The following DNAH1 variants were observed in gnomAD, a reference collection of about 807,000 sequenced individuals.
DNAH1 encodes the protein dynein axonemal heavy chain 1, also known as axonemal beta dynein heavy chain 1.
A neutral mutation model predicts 484.3 loss-of-function variants in DNAH1; 327 were observed. That is an observed-to-expected ratio of 0.68 (90% CI 0.62 to 0.74). DNAH1 has a LOEUF of 0.74. DNAH1 is among the 30% of genes least tolerant of loss of function. DNAH1 has a pLI of 0.00. For synonymous variants in DNAH1, 2,192 were observed against 2,191.9 expected (o/e 1.00, Z 0.00); for missense variants, 5,052 against 5,546.8 (o/e 0.91, Z 2.83).
chr3:52,391,082 C>A (rs765953497), intron 61 of DNAH1, 28 bp downstream of exon 61: 14 of 1,584,748 alleles, frequency 8.8e-6, no homozygotes, highest in South Asian at 1.1e-5. Flanking sequence ...GCACCACCAC[C>A]CCACCCCAGC....
intron 52 of DNAH1, among the ~76,000 whole-genome samples, chr3:52,384,363 C>T (rs1350905871): frequency 2.0e-5 from 3 of 150,976 alleles, no homozygotes; most frequent in African/African-American, 4.9e-5. Flanking sequence ...CAGCCTGAGA[C>T]GGTGACAGTC....
chr3:52,365,595 C>G (rs1290542129), intron 34 of DNAH1, among the ~76,000 whole-genome samples: 1 of 152,182 alleles, frequency 6.6e-6, no homozygotes, highest in East Asian at 1.9e-4. Context: ...ACCCTCGCCC[C>G]TCATAGTAGG....
Position 52,371,997 on chromosome 3 carries a change from G to A in DNAH1, c.6577G>A (p.Asp2193Asn). 1 of 1,613,866 alleles carries A rather than the reference G, an allele frequency of 6.2e-7. No homozygotes were observed. Among genetic ancestry groups the A allele is most frequent in the Non-Finnish European group, 8.5e-7 (1 of 1,179,880 alleles). ...DSSAPFTMVP[D>N]TNYCNIIVPT... ...CTCAGCTCCATTCACCATGGTACCA[G>A]ACACCAACTACTGCAACATCATTGT... Residue 2193 changes from aspartate (D) to asparagine (N), a missense_variant, in exon 42 of 78, where the codon GAC (aspartate) becomes AAC (asparagine). Transcript: ENST00000420323.
At chr3:52,390,852 C>T in intron 60 of DNAH1, 83 bp from the exon 61 acceptor site, 2 of 1,536,306 alleles carry the variant, frequency 1.3e-6, no homozygotes, top group South Asian at 2.4e-5. Context: ...ATAGCCGAAA[C>T]ACGAGGCCGG....
chr3:52,399,692 G>A lies in DNAH1; in HGVS notation c.12589G>A (p.Val4197Ile), dbSNP rs771064609. The A allele has an allele frequency of 1.8e-5, 29 of 1,613,908 alleles. No homozygotes were observed. Among genetic ancestry groups the A allele is most frequent in the Middle Eastern group, 1.6e-4 (1 of 6,084 alleles). Reference protein sequence around the residue: ...QPKELYTEMAVIWLLPTPNRK... With the variant: ...QPKELYTEMAIIWLLPTPNRK... ...CAAGGAGCTGTACACAGAGATGGCC[G>A]TTATCTGGCTCTTGCCAACACCCAA... The change falls in exon 77 of 78, where the codon GTT becomes ATT. Residue 4197 changes from valine (V) to isoleucine (I), a missense_variant. By Grantham distance (29) the Val-to-Ile change is conservative. Transcript: ENST00000420323.
Position 52,388,293 on chromosome 3 carries a change from C to T in DNAH1, c.9130C>T (p.His3044Tyr), listed in dbSNP as rs1312280817. The T allele has an allele frequency of 6.2e-7, 1 of 1,601,948 alleles. No homozygotes were observed. The highest frequency in any genetic ancestry group is 1.3e-5 in the African/African-American group (1 of 74,874). The change falls in exon 57 of 78, where the codon CAC becomes TAC. Residue 3044 changes from histidine to tyrosine, a missense_variant. His to Tyr is a moderately conservative substitution (Grantham distance 83, BLOSUM62 2). Around this residue, in one of 4 missense-constraint regions of DNAH1, gnomAD observed 2,929 missense variants for 3,409.4 expected, o/e 0.86. Transcript: ENST00000420323. ...CATCTGCCAGTGGGTGCGCGCCATG[C>T]ACAAGTACCACTTTGTGGCCAAGGC... ...TSICQWVRAMHKYHFVAKAVE... is the reference protein window; with the variant it reads ...TSICQWVRAMYKYHFVAKAVE...
chr3:52,323,337 A>G (rs1186383225), intron 2 of DNAH1, among the ~76,000 whole-genome samples: 1 of 151,014 alleles, frequency 6.6e-6, no homozygotes, highest in Non-Finnish European at 1.5e-5. Context: ...GGGAAAAGAG[A>G]GGGGGGAATG....
Position 52,384,915 on chromosome 3 carries a change from A to G in DNAH1, c.8452A>G (p.Ile2818Val). The G allele has an allele frequency of 6.2e-7, 1 of 1,613,662 alleles. No homozygotes were observed. Among genetic ancestry groups the G allele is most frequent in the Non-Finnish European group, 8.5e-7 (1 of 1,179,764 alleles). The part of the protein sequence containing the change: ...LELLHIFSIL[I>V]GQKKLELKTA... ...GCTGCTTCATATTTTCTCCATCCTC[A>G]TCGGGCAGAAGAAACTGGAGCTGAA... The change falls in exon 53 of 78, where the codon ATC becomes GTC. Residue 2818 changes from isoleucine to valine, a missense_variant. Ile to Val is a conservative substitution (Grantham distance 29). Coordinates refer to ENST00000420323, the MANE Select transcript of DNAH1 (RefSeq NM_015512.5).
chr3:52,360,433 TC>T lies in DNAH1; in HGVS notation c.4685+13del. The T allele has an allele frequency of 6.2e-7, 1 of 1,609,196 alleles. No individual in the cohort carries two copies. The highest frequency in any genetic ancestry group is 1.1e-5 in the South Asian group (1 of 90,772). ...ACGCCCCTCACCGACAGGTAAGCGT[TC>T]CCCTCTTGCTCCTTCCCACACTGAG... On this transcript the variant is annotated intron_variant, in intron 28 of 77. Coordinates refer to ENST00000420323, the MANE Select transcript of DNAH1 (RefSeq NM_015512.5).
chr3:52,385,346 A>T lies in DNAH1; in HGVS notation c.8524A>T (p.Thr2842Ser). Residue 2842 changes from threonine (T) to serine (S), a missense_variant, in exon 54 of 78, where the codon ACT (threonine) becomes TCT (serine). By Grantham distance (58) the Thr-to-Ser change is moderately conservative (BLOSUM62 1). Around this residue, in one of 4 missense-constraint regions of DNAH1, gnomAD observed 2,929 missense variants for 3,409.4 expected, o/e 0.86. Transcript: ENST00000420323. Reference sequence around the variant, plus strand: ...CTGCCCTGACCCCTAGCTGCTGCGCACTTCTGAGGATGTAGCCAAGATGCA... The same window carrying T: ...CTGCCCTGACCCCTAGCTGCTGCGCTCTTCTGAGGATGTAGCCAAGATGCA... ...MKSGLDKLLRTSEDVAKMQED... is the reference protein window; with the variant it reads ...MKSGLDKLLRSSEDVAKMQED... The T allele has an allele frequency of 6.4e-7, 1 of 1,552,250 alleles. No individual in the cohort carries two copies. Among genetic ancestry groups the T allele is most frequent in the South Asian group, 1.2e-5 (1 of 84,072 alleles).
Position 52,362,388 on chromosome 3 carries a change from G to A in DNAH1, c.4981G>A (p.Val1661Met). 6.2e-7 allele frequency: 1 copy of A among 1,613,316 alleles called. No individual in the cohort carries two copies. The highest frequency in any genetic ancestry group is 8.5e-7 in the Non-Finnish European group (1 of 1,179,650). The change falls in exon 31 of 78, where the codon GTG becomes ATG. Residue 1661 changes from valine (V) to methionine (M), a missense_variant and splice_region_variant. Physicochemically the swap from Val to Met is conservative, Grantham distance 21. This residue lies in a region of DNAH1 where 2,929 missense variants were observed against 3,409.4 expected (regional missense o/e 0.86). Coordinates refer to ENST00000420323, the MANE Select transcript of DNAH1 (RefSeq NM_015512.5). This position sits in a 1 kb window ranked among gnomAD's most constrained non-coding sequence, Gnocchi z 5.1. ...TTIQKAQQQR[V>M]ERFMFEGVEI... ...GCAAGTCAGCCTCTCCCCACTGCAGGTGGAACGCTTCATGTTTGAGGGTGT... is the reference window on the plus strand; with the variant it reads ...GCAAGTCAGCCTCTCCCCACTGCAGATGGAACGCTTCATGTTTGAGGGTGT...
chr3:52,347,737 CAT>C (rs1418771258), intron 11 of DNAH1, 85 bp from the exon 12 acceptor site: 1 of 1,415,440 alleles, frequency 7.1e-7, no homozygotes, highest in African/African-American at 1.4e-5. Flanking sequence ...GCTCAAGAGT[CAT>C]AGCGCTGGCA....
At chr3:52,359,171 G>A in intron 25 of DNAH1, 75 bp from the exon 26 acceptor site, 18 of 1,525,248 alleles carry the variant, frequency 1.2e-5, no homozygotes, top group Non-Finnish European at 1.6e-5. Context: ...AGCACAGACA[G>A]CATTCAGAGG....
chr3:52,344,673 C>T (rs1009336050), intron 9 of DNAH1, 26 bp downstream of exon 9: 10 of 1,603,132 alleles, frequency 6.2e-6, no homozygotes, highest in Non-Finnish European at 8.5e-6. Flanking sequence ...CCAAGATGGG[C>T]TCCATGGCCA....
chr3:52,388,599 G>T lies in DNAH1; in HGVS notation c.9353G>T (p.Arg3118Leu). 1 of 1,611,864 alleles carries T rather than the reference G, an allele frequency of 6.2e-7. No homozygotes were observed. The highest frequency in any genetic ancestry group is 8.5e-7 in the Non-Finnish European group (1 of 1,179,386). The change falls in exon 58 of 78, where the codon CGA (arginine) becomes CTA (leucine). Residue 3118 changes from arginine (R) to leucine (L), a missense_variant. Arg to Leu is a moderately radical substitution (Grantham distance 102). This residue lies in a region of DNAH1 where 2,929 missense variants were observed against 3,409.4 expected (regional missense o/e 0.86). Transcript: ENST00000420323. ...GAGCAGTGTGAGCAGCGGCTGGGCC[G>T]AGCTGGCAAGGTGCGCACCCTCCTC... ...KCEQCEQRLG[R>L]AGKLINGLSD...
At chr3:52,383,772 C>T (rs1436707275) in intron 51 of DNAH1, 88 bp from the exon 52 acceptor site, 1 of 1,469,284 alleles carries the variant, frequency 6.8e-7, no homozygotes, top group East Asian at 2.4e-5. Flanking sequence ...GCTGCCATGC[C>T]ACAGGGCTGT....
At position 52,381,208 on chromosome 3, in the gene DNAH1, G is replaced by A. The variant is rs886251601; in HGVS notation, c.7609-432G>A. ...CTCTACCTCATGGGCTCTATCAGTC[G>A]TCCCACCTCAGCGTCCTGAGTAGCT... On this transcript the variant is annotated intron_variant, in intron 48 of 77. Transcript: ENST00000420323. The surrounding 1 kb of genome is among the most constrained non-coding windows in gnomAD (Gnocchi z 4.1). Among the ~76,000 whole-genome samples, 5 of 152,108 alleles carry A rather than the reference G, an allele frequency of 3.3e-5. No homozygotes were observed. The highest frequency in any genetic ancestry group is 7.4e-5 in the Non-Finnish European group (5 of 68,024).
chr3:52,392,514 A>T lies in DNAH1; in HGVS notation c.10103A>T (p.Asp3368Val). Reference protein sequence around the residue: ...LGQVVAEERPDLEEAKNQLII... With the variant: ...LGQVVAEERPVLEEAKNQLII... ...CAGGTAGTGGCAGAGGAGCGACCCG[A>T]CCTGGAGGAGGCCAAGAACCAGCTG... The change falls in exon 64 of 78, where the codon GAC (aspartate) becomes GTC (valine). Residue 3368 changes from aspartate to valine, a missense_variant. Coordinates refer to ENST00000420323, the MANE Select transcript of DNAH1 (RefSeq NM_015512.5). 6.2e-7 allele frequency: 1 copy of T among 1,613,896 alleles called. No homozygotes were observed. The highest frequency in any genetic ancestry group is 1.1e-5 in the South Asian group (1 of 91,084).
In DNAH1 at chr3:52,348,974, C is replaced by T. The variant is rs1160440400; in HGVS notation, c.2193C>T (p.Ala731=). 6.2e-7 allele frequency: 1 copy of T among 1,613,494 alleles called. No homozygotes were observed. The highest frequency in any genetic ancestry group is 2.2e-5 in the East Asian group (1 of 44,884). The change falls in exon 13 of 78, where the codon GCC becomes GCT. Residue 731 remains alanine (A), a synonymous_variant. Transcript: ENST00000420323. ...LHEPLVEELR[A]TIASAVSKAM... ...AGCCACTGGTGGAAGAGCTACGGGCCACCATTGCCAGTGCCGTGTCCAAGG... is the reference window on the plus strand; with the variant it reads ...AGCCACTGGTGGAAGAGCTACGGGCTACCATTGCCAGTGCCGTGTCCAAGG...
Sources: allele counts gnomAD v4.1 joint callset (sites outside exome capture counted in the v4.1 genomes callset), GRCh38; gene constraint gnomAD v4.1.1; regional missense constraint gnomAD v4.1.1; non-coding constraint Gnocchi (gnomAD v3.1); transcripts MANE v1.5; gene names NCBI Gene and HGNC (gene_info 2026-07-23, HGNC 2026-07-21).